The following MMP16 variants were observed in gnomAD, a reference collection of about 807,000 sequenced individuals.
The protein encoded by MMP16 is matrix metallopeptidase 16.
MMP16 carries 12 observed loss-of-function variants against 67.8 expected under a neutral mutation model. The observed-to-expected ratio is 0.18, with a 90% CI of 0.11 to 0.29. The LOEUF (loss-of-function observed/expected upper bound fraction) is 0.29, where lower values mean the gene tolerates loss of function less well. MMP16 is among the 10% of genes least tolerant of loss of function. The probability of loss-of-function intolerance (pLI) is 1.00; values close to 1 mark genes in which losing one functional copy is unlikely to be tolerated. For missense variants in MMP16, 475 were observed against 765.7 expected, an observed-to-expected ratio of 0.62 and a Z score of 4.48; for synonymous variants, 249 against 255.9, an observed-to-expected ratio of 0.97 and a Z score of 0.26.
intron 4 of MMP16, among the ~76,000 whole-genome samples, chr8:88,146,621 T>A (rs1808294353): frequency 6.6e-6 from 1 of 151,976 alleles, no homozygotes. Context: ...TATTTCTGTG[T>A]ACACTTAGTA....
chr8:88,120,441 T>C (rs1225536641), intron 4 of MMP16, among the ~76,000 whole-genome samples: 1 of 151,950 alleles, frequency 6.6e-6, no homozygotes, highest in Non-Finnish European at 1.5e-5. Flanking sequence ...CTGATAACCA[T>C]GTGGCTTACT....
chr8:88,203,398 G>A (rs1290573838), intron 1 of MMP16, among the ~76,000 whole-genome samples: 2 of 151,934 alleles, frequency 1.3e-5, no homozygotes, highest in Admixed American at 6.6e-5. Context: ...TACTGCGCCC[G>A]GCCAATACCA....
At chr8:88,272,822 C>T (rs1232211941) in intron 1 of MMP16, among the ~76,000 whole-genome samples, 3 of 152,002 alleles carry the variant, frequency 2.0e-5, no homozygotes, top group African/African-American at 7.3e-5. Flanking sequence ...GTAGTGACCA[C>T]CAAAAGCGAG....
intron 1 of MMP16, among the ~76,000 whole-genome samples, chr8:88,289,500 A>G (rs1429964204): frequency 1.3e-5 from 2 of 152,216 alleles, no homozygotes; most frequent in Non-Finnish European, 2.9e-5. Context: ...AAGCTCTAGC[A>G]AGTAAAATAT....
At position 88,109,879 on chromosome 8, in the gene MMP16, T is replaced by C. The variant is rs115840504; in HGVS notation, c.1083+6628A>G. ...GCTATGGAGTAAAAGGGTTTTTAAATTGAACCACAATTAATATAATTTCAG... is the reference window on the plus strand; with the variant it reads ...GCTATGGAGTAAAAGGGTTTTTAAACTGAACCACAATTAATATAATTTCAG... On this transcript the variant is annotated intron_variant, in intron 6 of 9. Coordinates refer to ENST00000286614, the MANE Select transcript of MMP16 (RefSeq NM_005941.5). Among the ~76,000 whole-genome samples, 607 of 151,390 alleles carry C rather than the reference T, an allele frequency of 4.0e-3. 2 individuals carry two copies. Among genetic ancestry groups the C allele is most frequent in the African/African-American group, 0.014 (577 of 41,476 alleles).
chr8:88,054,119 A>C (rs907298405), intron 8 of MMP16, among the ~76,000 whole-genome samples: 76 of 152,300 alleles, frequency 5.0e-4, no homozygotes, highest in African/African-American at 1.8e-3. Flanking sequence ...TTTTAAATGT[A>C]ATCCCTACAT....
intron 4 of MMP16, among the ~76,000 whole-genome samples, chr8:88,147,848 A>C (rs889793383): frequency 1.3e-5 from 2 of 151,950 alleles, no homozygotes; most frequent in Non-Finnish European, 2.9e-5. Flanking sequence ...AGCTTCCTCT[A>C]TATGTGGATT....
At chr8:88,205,212 A>G (rs1460441681) in intron 1 of MMP16, among the ~76,000 whole-genome samples, 3 of 152,196 alleles carry the variant, frequency 2.0e-5, no homozygotes, top group Non-Finnish European at 4.4e-5. Flanking sequence ...GGACACATCA[A>G]TAGTAAAAAG....
chr8:88,096,734 C>G (rs115641248), intron 6 of MMP16, among the ~76,000 whole-genome samples: 2,071 of 151,932 alleles, frequency 0.014, 50 homozygotes, highest in African/African-American at 0.047. Context: ...ATATGCAACC[C>G]TCATAGGAAA....
chr8:88,177,757 C>CGAA (rs1244479786), intron 3 of MMP16, among the ~76,000 whole-genome samples: 2 of 151,952 alleles, frequency 1.3e-5, no homozygotes, highest in African/African-American at 4.8e-5. Flanking sequence ...ATTACATAAA[C>CGAA]GAAGAAAAAC....
rs1437135932 is a variant in MMP16 at position 88,074,249 on chromosome 8, G to T, written c.1222+356C>A. ...AGAGATTATGTATGAAAATAGGAGT[G>T]TAATAGATTTTATTACCTAAAACCA... On this transcript the variant is annotated intron_variant, in intron 7 of 9. Coordinates refer to ENST00000286614, the MANE Select transcript of MMP16 (RefSeq NM_005941.5). Among the ~76,000 whole-genome samples the T allele has an allele frequency of 5.9e-5, 9 of 152,222 alleles. No individual in the cohort carries two copies. In the East Asian group the frequency reaches 1.5e-3, roughly 26 times the overall value.
At chr8:88,283,030 C>T (rs1810766083) in intron 1 of MMP16, among the ~76,000 whole-genome samples, 1 of 151,874 alleles carries the variant, frequency 6.6e-6, no homozygotes, top group Admixed American at 6.6e-5. Context: ...GATATAAGGG[C>T]ATTTTTTTCA....
At chr8:88,321,879 C>A (rs1811464777) in intron 1 of MMP16, among the ~76,000 whole-genome samples, 1 of 152,132 alleles carries the variant, frequency 6.6e-6, no homozygotes, top group Admixed American at 6.6e-5. Context: ...TGAGTTAAAG[C>A]CCACTTCCTT....
intron 4 of MMP16, among the ~76,000 whole-genome samples, chr8:88,129,295 A>C (rs942220068): frequency 1.3e-5 from 2 of 151,810 alleles, no homozygotes; most frequent in African/African-American, 4.8e-5. Context: ...ATTGCCACCT[A>C]ATTCATTTTT....
chr8:88,057,188 CTTTTG>C (rs898904012), intron 7 of MMP16, among the ~76,000 whole-genome samples: 1 of 152,168 alleles, frequency 6.6e-6, no homozygotes, highest in South Asian at 2.1e-4. Flanking sequence ...AAACCATTTT[CTTTTG>C]TTTTGTTTGT....
At chr8:88,208,716 A>C (rs190427373) in intron 1 of MMP16, among the ~76,000 whole-genome samples, 5 of 151,694 alleles carry the variant, frequency 3.3e-5, no homozygotes, top group African/African-American at 4.8e-5. Flanking sequence ...TGAAACAATA[A>C]ATTCTTGCTG....
intron 4 of MMP16, among the ~76,000 whole-genome samples, chr8:88,151,787 C>A (rs1430980718): frequency 1.0e-4 from 15 of 149,592 alleles, no homozygotes; most frequent in Non-Finnish European, 1.9e-4. Flanking sequence ...GACACCCTAA[C>A]ATCACAATTA....
chr8:88,290,114 CACAA>C (rs1810903239), intron 1 of MMP16, among the ~76,000 whole-genome samples: 2 of 152,036 alleles, frequency 1.3e-5, no homozygotes, highest in Non-Finnish European at 2.9e-5. Flanking sequence ...AATAAATTAC[CACAA>C]ATGGGAAAAT....
At chr8:88,100,330 GAC>G (rs1809118968) in intron 6 of MMP16, among the ~76,000 whole-genome samples, 1 of 151,856 alleles carries the variant, frequency 6.6e-6, no homozygotes, top group Non-Finnish European at 1.5e-5. Context: ...ATGAACAGAT[GAC>G]TCTCAAAAGA....
Sources: allele counts gnomAD v4.1 joint callset (sites outside exome capture counted in the v4.1 genomes callset), GRCh38; gene constraint gnomAD v4.1.1; transcripts MANE v1.5; gene names NCBI Gene and HGNC (gene_info 2026-07-23, HGNC 2026-07-21).